PRKCQ: variants seen among roughly 807,000 people sequenced by gnomAD.
PRKCQ encodes protein kinase C theta.
PRKCQ carries 41 observed loss-of-function variants against 91.2 expected under a neutral mutation model. The observed-to-expected ratio is 0.45, with a 90% CI of 0.35 to 0.58. The LOEUF (loss-of-function observed/expected upper bound fraction) is 0.58, where lower values mean the gene tolerates loss of function less well. PRKCQ is among the 20% of genes least tolerant of loss of function. The pLI, the probability that PRKCQ is intolerant of heterozygous loss-of-function variation, is 0.00. For synonymous variants in PRKCQ, 307 were observed against 316.9 expected, an observed-to-expected ratio of 0.97 and a Z score of 0.33; for missense variants, 673 against 896.5, an observed-to-expected ratio of 0.75 and a Z score of 3.18.
At chr10:6,553,489 CAAAAAAAAAAAAAA>C (rs869196227) in intron 1 of PRKCQ, among the ~76,000 whole-genome samples, 2 of 8,900 alleles carry the variant, frequency 2.2e-4, no homozygotes, top group South Asian at 9.2e-3. Context: ...GACCCTGTCT[CAAAAAAAAAAAAAA>C]AAAAAAAAAA....
chr10:6,513,200 T>G (rs1347001937), intron 2 of PRKCQ, among the ~76,000 whole-genome samples: 1 of 152,190 alleles, frequency 6.6e-6, no homozygotes, highest in East Asian at 1.9e-4. Context: ...GTTGGCTCAT[T>G]GTGGAAAATG....
chr10:6,401,286 A>C, the PRKCQ span, among the ~76,000 whole-genome samples: 39 of 152,232 alleles, frequency 2.6e-4, no homozygotes, highest in Middle Eastern at 3.4e-3. Flanking sequence ...TAGCTTCCCC[A>C]CTTTAGAGCA....
At chr10:6,487,592 T>C (rs917781363) in intron 8 of PRKCQ, among the ~76,000 whole-genome samples, 3 of 152,192 alleles carry the variant, frequency 2.0e-5, no homozygotes, top group African/African-American at 7.2e-5. Flanking sequence ...GCATAGAATC[T>C]AACTTCCATT....
At chr10:6,560,099 G>T (rs1432017715) in intron 1 of PRKCQ, among the ~76,000 whole-genome samples, 1 of 152,196 alleles carries the variant, frequency 6.6e-6, no homozygotes, top group African/African-American at 2.4e-5. Flanking sequence ...TGTTTGATCA[G>T]TCAACATTTA....
At chr10:6,563,735 C>A (rs542602596) in intron 1 of PRKCQ, among the ~76,000 whole-genome samples, 1 of 152,316 alleles carries the variant, frequency 6.6e-6, no homozygotes, top group African/African-American at 2.4e-5. Flanking sequence ...AGCTGACATT[C>A]CACCAAAATT....
chr10:6,460,850 T>C (rs912244340), intron 14 of PRKCQ, among the ~76,000 whole-genome samples: 3 of 151,300 alleles, frequency 2.0e-5, no homozygotes, highest in African/African-American at 7.3e-5. Flanking sequence ...ATCCCATCCA[T>C]CCATCCAACC....
At chr10:6,550,689 AT>A (rs756152985) in intron 1 of PRKCQ, among the ~76,000 whole-genome samples, 2 of 152,340 alleles carry the variant, frequency 1.3e-5, no homozygotes, top group Non-Finnish European at 2.9e-5. Flanking sequence ...GGGTGTGTAA[AT>A]ATCTCTTCAA....
At chr10:6,401,032 A>G in the PRKCQ span, among the ~76,000 whole-genome samples, 1 of 152,216 alleles carries the variant, frequency 6.6e-6, no homozygotes, top group Non-Finnish European at 1.5e-5. Context: ...ACTGAGTCAC[A>G]TAGCATGCCG....
chr10:6,485,266 G>C lies in PRKCQ; in HGVS notation c.904C>G (p.Arg302Gly). Residue 302 changes from arginine to glycine, a missense_variant, in exon 10 of 18, where the codon CGC (arginine) becomes GGC (glycine). Transcript: ENST00000263125. ...LAMIESTQQA[R>G]CLRDTEQIFR... ...ATCTGTTCAGTATCTCTTAAGCAGC[G>C]AGCCTGGATGACAAACAGAGAGTCA... The C allele has an allele frequency of 3.1e-6, 5 of 1,612,958 alleles. No individual in the cohort carries two copies. Among genetic ancestry groups the C allele is most frequent in the Non-Finnish European group, 4.2e-6 (5 of 1,179,236 alleles).
At position 6,454,623 on chromosome 10, in the gene PRKCQ, G is replaced by A. The variant is rs536666192; in HGVS notation, c.1647+2051C>T. ...ACATGTAATTCACCAAGAAAGAAAA[G>A]GAAAGAGTGAAGTAGGGAGCAAGTT... is the stretch of plus-strand genomic sequence containing the variant. On this transcript the variant is annotated intron_variant, in intron 15 of 17. Coordinates refer to ENST00000263125, the MANE Select transcript of PRKCQ (RefSeq NM_006257.5). Among the ~76,000 whole-genome samples, 6 of 152,236 alleles carry A rather than the reference G, an allele frequency of 3.9e-5. No individual in the cohort carries two copies. The South Asian group carries it at 8.3e-4, about 21-fold the overall frequency.
intron 1 of PRKCQ, among the ~76,000 whole-genome samples, chr10:6,564,046 G>A (rs553172016): frequency 6.6e-6 from 1 of 152,308 alleles, no homozygotes; most frequent in Non-Finnish European, 1.5e-5. Context: ...GCTGTAAAAT[G>A]CAAGAGGCTT....
intron 16 of PRKCQ, among the ~76,000 whole-genome samples, chr10:6,431,744 T>C (rs1833439832): frequency 6.6e-6 from 1 of 152,210 alleles, no homozygotes; most frequent in African/African-American, 2.4e-5. Flanking sequence ...TCCCAGACAG[T>C]CAGCTTTGGA....
At chr10:6,518,794 G>A (rs1421467523) in intron 1 of PRKCQ, among the ~76,000 whole-genome samples, 1 of 152,044 alleles carries the variant, frequency 6.6e-6, no homozygotes. Context: ...CTCCAGCCTA[G>A]GCAACAGAGC....
chr10:6,425,649 T>C (rs956549408), downstream of PRKCQ, among the ~76,000 whole-genome samples: 3 of 152,136 alleles, frequency 2.0e-5, no homozygotes, highest in Admixed American at 6.5e-5. Context: ...GTTAGTCACC[T>C]GACATATTCA....
chr10:6,483,003 C>T (rs1401312507), intron 11 of PRKCQ, among the ~76,000 whole-genome samples: 2 of 152,000 alleles, frequency 1.3e-5, no homozygotes, highest in Non-Finnish European at 2.9e-5. Flanking sequence ...TATCACACCC[C>T]AAGGAAACTT....
intron 1 of PRKCQ, among the ~76,000 whole-genome samples, chr10:6,539,135 A>G (rs1298310247): frequency 6.6e-6 from 1 of 152,172 alleles, no homozygotes; most frequent in African/African-American, 2.4e-5. Context: ...GGTGACTGTA[A>G]TCCCTAGAGC....
chr10:6,430,198 C>T lies in PRKCQ; in HGVS notation c.1965+612G>A, dbSNP rs117699098. Among the ~76,000 whole-genome samples, 30 of 152,248 alleles carry T rather than the reference C, an allele frequency of 2.0e-4. No individual in the cohort carries two copies. In the East Asian group the frequency reaches 5.0e-3, roughly 25 times the overall value. ...GACTTCACTTTATGGTGGCCCGTCT[C>T]GCAGGTGAGCCAGGTCATTCTGCCT... On this transcript the variant is annotated intron_variant, in intron 17 of 17. Coordinates refer to ENST00000263125, the MANE Select transcript of PRKCQ (RefSeq NM_006257.5). The surrounding 1 kb of genome is among the most constrained non-coding windows in gnomAD (Gnocchi z 4.7).
Position 6,498,381 on chromosome 10 carries a change from G to A in PRKCQ, c.542+15C>T. ...CATAACCCGAAGCTTGGAGGGAGAT[G>A]CCAAGTTACTGTACCAGACAAACTC... On this transcript the variant is annotated intron_variant, in intron 5 of 17. Transcript: ENST00000263125. The A allele has an allele frequency of 6.2e-7, 1 of 1,613,500 alleles. No individual in the cohort carries two copies. The highest frequency in any genetic ancestry group is 1.3e-5 in the African/African-American group (1 of 75,030).
At chr10:6,548,065 G>A (rs1218291547) in intron 1 of PRKCQ, among the ~76,000 whole-genome samples, 5 of 152,274 alleles carry the variant, frequency 3.3e-5, no homozygotes, top group Admixed American at 6.5e-5. Context: ...ATCAAAAAGT[G>A]GGTGAAGGAT....
Sources: gnomAD v4.1 joint callset for allele counts (sites outside exome capture counted in the v4.1 genomes callset) on GRCh38, gnomAD v4.1.1 for gene constraint, Gnocchi (gnomAD v3.1) non-coding constraint, MANE v1.5 for transcripts, NCBI Gene and HGNC (gene_info 2026-07-23, HGNC 2026-07-21) for gene names.